Variants in EYA1 observed in about 807,000 individuals in gnomAD.
The protein encoded by EYA1 is EYA transcriptional coactivator and phosphatase 1.
A neutral mutation model predicts 82.0 loss-of-function variants in EYA1; 16 were observed. The observed-to-expected ratio is 0.20, with a 90% CI of 0.13 to 0.30. The LOEUF (loss-of-function observed/expected upper bound fraction) is 0.30. Ranked by LOEUF, EYA1 falls within the 10% of genes least tolerant of loss-of-function variation. The probability of loss-of-function intolerance (pLI) is 1.00; values close to 1 mark genes in which losing one functional copy is unlikely to be tolerated. For missense variants in EYA1, 633 were observed against 730.7 expected (o/e 0.87, Z 1.54); for synonymous variants, 261 against 264.4 (o/e 0.99, Z 0.12).
At chr8:71,368,585 G>C (rs2129086926) in intron 2 of EYA1, among the ~76,000 whole-genome samples, 1 of 152,204 alleles carries the variant, frequency 6.6e-6, no homozygotes, top group East Asian at 1.9e-4. Flanking sequence ...GACAGCCTAT[G>C]ACTTAAAAAT....
At chr8:71,332,567 T>C (rs751084547) in intron 4 of EYA1, among the ~76,000 whole-genome samples, 3 of 152,208 alleles carry the variant, frequency 2.0e-5, no homozygotes, top group Non-Finnish European at 4.4e-5. Context: ...CAATATTTCT[T>C]GCTCAAATTA....
intron 2 of EYA1, among the ~76,000 whole-genome samples, chr8:71,410,737 A>G (rs1271305336): frequency 6.6e-6 from 1 of 150,746 alleles, no homozygotes; most frequent in African/African-American, 2.4e-5. Context: ...AGAGGATAGA[A>G]ACAAATGGAA....
rs1290262350 is a variant in EYA1 at position 71,198,583 on chromosome 8, A to AATT, written c.*754_*756dup. The AATT allele has an allele frequency of 6.5e-6, 1 of 152,676 alleles. No homozygotes were observed. The highest frequency in any genetic ancestry group is 2.4e-5 in the African/African-American group (1 of 41,462). 9.5% of individuals were successfully genotyped at this position (152,676 alleles called of 1,614,324 possible). A position where few individuals can be genotyped will look rare whatever the true frequency, so the allele number is the denominator to read the frequency against. ...CATTTCCCTAAACAATATGTAAAAG[A>AATT]ATTATCCATTATTACAAATTTACAC... On this transcript the variant is annotated 3_prime_UTR_variant, in exon 18 of 18. Transcript: ENST00000340726.
chr8:71,456,913 A>G (rs1483203312), intron 2 of EYA1, among the ~76,000 whole-genome samples: 1 of 152,226 alleles, frequency 6.6e-6, no homozygotes, highest in Non-Finnish European at 1.5e-5. Context: ...GACAAATGGG[A>G]TCTAATTAAA....
intron 2 of EYA1, among the ~76,000 whole-genome samples, chr8:71,369,202 CAAAA>C (rs368382614): frequency 1.7e-5 from 1 of 57,664 alleles, no homozygotes; most frequent in Admixed American, 1.8e-4. Context: ...GACTCCGTCT[CAAAA>C]AAAAAAAAAA....
At chr8:71,250,576 T>C (rs537653417) in intron 11 of EYA1, among the ~76,000 whole-genome samples, 1 of 152,346 alleles carries the variant, frequency 6.6e-6, no homozygotes, top group South Asian at 2.1e-4. Context: ...AGTTTTAGTA[T>C]GAAACTGTTA....
intron 2 of EYA1, among the ~76,000 whole-genome samples, chr8:71,484,106 G>A (rs1020958420): frequency 6.6e-5 from 10 of 152,310 alleles, no homozygotes; most frequent in African/African-American, 2.2e-4. Flanking sequence ...TAATATAGCA[G>A]GATAGCCCTC....
intron 2 of EYA1, among the ~76,000 whole-genome samples, chr8:71,406,236 C>A (rs571336532): frequency 3.7e-4 from 56 of 152,172 alleles, no homozygotes; most frequent in Non-Finnish European, 7.1e-4. Context: ...AATTTCAATG[C>A]ATAGACATTT....
intron 2 of EYA1, among the ~76,000 whole-genome samples, chr8:71,355,260 G>A (rs189702405): frequency 4.8e-4 from 73 of 152,154 alleles, no homozygotes; most frequent in African/African-American, 1.6e-3. Context: ...TATTAAAAAG[G>A]ACCAAAGGCA....
intron 2 of EYA1, among the ~76,000 whole-genome samples, chr8:71,505,324 C>T (rs149713647): frequency 4.6e-5 from 7 of 152,294 alleles, no homozygotes; most frequent in Non-Finnish European, 7.4e-5. Context: ...AGCGCTGGCT[C>T]AAGCAATACA....
rs1392683787 is a variant in EYA1 at position 71,326,380 on chromosome 8, AC to A, written c.203-4113del. On this transcript the variant is annotated intron_variant, in intron 4 of 17. Transcript: ENST00000340726. ...ATCATAAGTCCAGTCTGTTTTCCCAACAAAATATACCCCAAACCTTACAACT... is the reference window on the plus strand; with the variant it reads ...ATCATAAGTCCAGTCTGTTTTCCCAAAAAATATACCCCAAACCTTACAACT... Among the ~76,000 whole-genome samples, 7 of 151,758 alleles carry A rather than the reference AC, an allele frequency of 4.6e-5. No individual in the cohort carries two copies. The East Asian group carries it at 9.7e-4, about 21-fold the overall frequency.
chr8:71,250,764 T>G (rs1813657291), intron 11 of EYA1, among the ~76,000 whole-genome samples: 1 of 152,208 alleles, frequency 6.6e-6, no homozygotes, highest in Non-Finnish European at 1.5e-5. Flanking sequence ...TATCCTTATC[T>G]GTATATCCTT....
intron 11 of EYA1, among the ~76,000 whole-genome samples, chr8:71,262,832 T>C (rs1815299955): frequency 6.6e-6 from 1 of 152,190 alleles, no homozygotes; most frequent in Non-Finnish European, 1.5e-5. Context: ...AAAATGTGCT[T>C]CTGTTTGTTT....
At chr8:71,353,512 C>T (rs1586512311) in intron 3 of EYA1, among the ~76,000 whole-genome samples, 1 of 152,032 alleles carries the variant, frequency 6.6e-6, no homozygotes. Context: ...TTGATAGTAC[C>T]CATTTTCATA....
At chr8:71,474,244 G>GGAA (rs1445140857) in intron 2 of EYA1, among the ~76,000 whole-genome samples, 6 of 150,912 alleles carry the variant, frequency 4.0e-5, no homozygotes, top group Admixed American at 6.6e-5. Context: ...AAAGGGAGAA[G>GGAA]GAAGAAGAAG....
At chr8:71,241,753 C>T (rs1451912371) in intron 12 of EYA1, among the ~76,000 whole-genome samples, 1 of 152,000 alleles carries the variant, frequency 6.6e-6, no homozygotes, top group East Asian at 1.9e-4. Flanking sequence ...CAGGCATTAC[C>T]ACATCACTTC....
At chr8:71,369,032 C>CAAAAAAAAAAAAAA (rs60647486) in intron 2 of EYA1, among the ~76,000 whole-genome samples, 1 of 112,824 alleles carries the variant, frequency 8.9e-6, no homozygotes, top group Non-Finnish European at 1.7e-5. Flanking sequence ...ACTAAAAATA[C>CAAAAAAAAAAAAAA]AAAAAAAAAA....
chr8:71,535,656 C>T (rs2129288187), intron 2 of EYA1: 1 of 972,178 alleles, frequency 1.0e-6, no homozygotes, highest in Non-Finnish European at 1.5e-6. Context: ...TTTTGACAAT[C>T]TTCCAGATAC....
chr8:71,400,862 A>G (rs1829918143), intron 2 of EYA1, among the ~76,000 whole-genome samples: 1 of 152,198 alleles, frequency 6.6e-6, no homozygotes, highest in South Asian at 2.1e-4. Flanking sequence ...CACTATTTAC[A>G]ATGACAAAGG....
Sources: gnomAD v4.1 joint callset for allele counts (sites outside exome capture counted in the v4.1 genomes callset) on GRCh38, gnomAD v4.1.1 for gene constraint, MANE v1.5 for transcripts, NCBI Gene and HGNC (gene_info 2026-07-23, HGNC 2026-07-21) for gene names.